Variants in NCOR2 observed in about 807,000 individuals in gnomAD.
The protein encoded by NCOR2 is CTG repeat protein 26.
NCOR2 carries 81 observed loss-of-function variants against 262.9 expected under a neutral mutation model. The observed-to-expected ratio is 0.31, with a 90% CI of 0.26 to 0.37. The LOEUF is 0.37. NCOR2 is among the 10% of genes least tolerant of loss of function. The probability of loss-of-function intolerance (pLI) is 1.00; values close to 1 mark genes in which losing one functional copy is unlikely to be tolerated. For synonymous variants in NCOR2, 1,659 were observed against 1,559.3 expected (o/e 1.06, Z -1.51); for missense variants, 3,385 against 3,621.4 (o/e 0.93, Z 1.68).
chr12:124,327,401 C>T lies in NCOR2; in HGVS notation c.7183+8G>A. ...CAGACGGGGGCGGGGCGGGGGTGGCCTGCAGACCTGGCGAGGTGAGTGTGT... is the reference window on the plus strand; with the variant it reads ...CAGACGGGGGCGGGGCGGGGGTGGCTTGCAGACCTGGCGAGGTGAGTGTGT... On this transcript the variant is annotated splice_region_variant and intron_variant, in intron 45 of 46. Coordinates refer to ENST00000405201, the Ensembl canonical transcript of NCOR2. 6.2e-7 allele frequency: 1 copy of T among 1,603,292 alleles called. No homozygotes were observed.
chr12:124,418,264 C>T (rs1455058630), intron 13 of NCOR2, among the ~76,000 whole-genome samples: 4 of 152,124 alleles, frequency 2.6e-5, no homozygotes, highest in Non-Finnish European at 5.9e-5. Flanking sequence ...GGATAAGGAC[C>T]GAGTTCAGCC....
chr12:124,352,482 C>T (rs1333837013), intron 27 of NCOR2, among the ~76,000 whole-genome samples: 1 of 151,994 alleles, frequency 6.6e-6, no homozygotes, highest in African/African-American at 2.4e-5. Context: ...AAGTGATCTT[C>T]CTGCCTCCCA....
At position 124,340,727 on chromosome 12, in the gene NCOR2, G is replaced by T; in HGVS notation, c.5213C>A (p.Pro1738Gln). Residue 1738 changes from proline (P) to glutamine (Q), a missense_variant, in exon 35 of 47, where the codon CCA (proline) becomes CAA (glutamine). Pro to Gln is a moderately conservative substitution (Grantham distance 76). Around this residue, in one of 5 missense-constraint regions of NCOR2, gnomAD observed 1,615 missense variants for 1,626.9 expected, o/e 0.99. Transcript: ENST00000405201. Reference sequence around the variant, plus strand: ...CGGGGGCACGAGCACAGGCAGGTGTGGCACTTGGGACAGGTCGATGATGCC... The same window carrying T: ...CGGGGGCACGAGCACAGGCAGGTGTTGCACTTGGGACAGGTCGATGATGCC... The T allele has an allele frequency of 6.5e-7, 1 of 1,545,852 alleles. No homozygotes were observed. The highest frequency in any genetic ancestry group is 1.4e-5 in the African/African-American group (1 of 72,008).
chr12:124,466,031 T>A, intron 5 of NCOR2, 142 bp downstream of exon 7: 1 of 824,366 alleles, frequency 1.2e-6, no homozygotes, highest in Non-Finnish European at 1.9e-6. Flanking sequence ...CACCCACTCA[T>A]AAACCCTGCG....
rs993160639 is a variant in NCOR2 at position 124,432,250 on chromosome 12, C to T, written c.883-1463G>A. On this transcript the variant is annotated intron_variant, in intron 8 of 46. Coordinates refer to ENST00000405201, the Ensembl canonical transcript of NCOR2. The surrounding 1 kb of genome is among the most constrained non-coding windows in gnomAD (Gnocchi z 5.1). The stretch of plus-strand genomic sequence containing the variant: ...GACACACACACATCACACAGGCAGA[C>T]GACAGAAAGACAGGCACATAGTTGC... Among the ~76,000 whole-genome samples, 5 of 152,140 alleles carry T rather than the reference C, an allele frequency of 3.3e-5. No individual in the cohort carries two copies. Among genetic ancestry groups the T allele is most frequent in the Non-Finnish European group, 5.9e-5 (4 of 68,026 alleles).
chr12:124,421,079 G>A (rs1023364288), intron 12 of NCOR2, among the ~76,000 whole-genome samples: 6 of 152,224 alleles, frequency 3.9e-5, no homozygotes, highest in Admixed American at 2.0e-4. Context: ...TCCTTCCTGC[G>A]CTCAGCAATG....
rs138325115 is a variant in NCOR2, at chr12:124,377,597, G to A, written c.2167+640C>T. 2.4e-4 allele frequency among the ~76,000 whole-genome samples: 37 copies of A among 152,224 alleles called. No individual in the cohort carries two copies. In the East Asian group the frequency reaches 6.0e-3, roughly 25 times the overall value. On this transcript the variant is annotated intron_variant, in intron 18 of 46. Transcript: ENST00000405201. ...CTCACACCTGTAATTCCAGCACTTT[G>A]GGAGGCCAAGGTGGGCAGATCACCT...
Position 124,483,935 on chromosome 12 carries a change from G to A in NCOR2, c.234-162C>T, listed in dbSNP as rs1393498573. Among the ~76,000 whole-genome samples the A allele has an allele frequency of 1.3e-5, 2 of 152,180 alleles. No homozygotes were observed. Among genetic ancestry groups the A allele is most frequent in the Non-Finnish European group, 2.9e-5 (2 of 68,022 alleles). ...GCCCACCTCCCACGGTCCCACAGCA[G>A]GGCAGGACTCCAATGCAGCGCTGCC... On this transcript the variant is annotated intron_variant, in intron 2 of 46. Coordinates refer to ENST00000405201, the Ensembl canonical transcript of NCOR2. This position sits in a 1 kb window ranked among gnomAD's most constrained non-coding sequence, Gnocchi z 6.3.
At chr12:124,487,996 C>A (rs918287444) in intron 1 of NCOR2, among the ~76,000 whole-genome samples, 2 of 151,994 alleles carry the variant, frequency 1.3e-5, no homozygotes, top group African/African-American at 4.8e-5. Context: ...AGGCTGTTTG[C>A]GGCAATCAGT....
chr12:124,419,768 C>T (rs148011015), intron 13 of NCOR2, among the ~76,000 whole-genome samples, 189 bp downstream of exon 15: 6 of 152,332 alleles, frequency 3.9e-5, no homozygotes, highest in African/African-American at 7.2e-5. Context: ...AGGGTGAGCA[C>T]CCCAGAGGGG....
At chr12:124,352,856 A>G (rs116104818) in intron 27 of NCOR2, among the ~76,000 whole-genome samples, 5,315 of 152,262 alleles carry the variant, frequency 0.035, 313 homozygotes, top group African/African-American at 0.12. Flanking sequence ...CTTGGCCCCA[A>G]TGAACTCTAC....
chr12:124,335,965 G>C (rs1593103091), intron 38 of NCOR2: 4 of 320,380 alleles, frequency 1.2e-5, no homozygotes, highest in Non-Finnish European at 2.3e-5. Flanking sequence ...ATGGGTCTCT[G>C]GGGAAGGAGT....
chr12:124,370,058 T>C (rs551025276), intron 20 of NCOR2, among the ~76,000 whole-genome samples: 7 of 152,334 alleles, frequency 4.6e-5, no homozygotes, highest in African/African-American at 1.7e-4. Context: ...TCTATGACTC[T>C]GTCCCCACAG....
At chr12:124,532,233 C>T (rs2050836839) in intron 1 of NCOR2, among the ~76,000 whole-genome samples, 1 of 152,074 alleles carries the variant, frequency 6.6e-6, no homozygotes, top group Admixed American at 6.5e-5. Flanking sequence ...CCCCCTTCTA[C>T]CATCACGGTT....
At chr12:124,429,821 G>A (rs367906254) in intron 9 of NCOR2, 115 bp from the exon 12 acceptor site, 37 of 994,322 alleles carry the variant, frequency 3.7e-5, no homozygotes, top group South Asian at 3.4e-4. Flanking sequence ...TGTGGGCAGC[G>A]GCCAGCAGAG....
At chr12:124,558,589 G>C (rs910502111) in intron 1 of NCOR2, among the ~76,000 whole-genome samples, 2 of 152,184 alleles carry the variant, frequency 1.3e-5, no homozygotes, top group Non-Finnish European at 2.9e-5. Context: ...CACTCCAGAA[G>C]GACGCCCAGA....
chr12:124,436,604 C>A (rs1380673657), intron 8 of NCOR2, among the ~76,000 whole-genome samples: 2 of 152,296 alleles, frequency 1.3e-5, no homozygotes, highest in East Asian at 3.9e-4. Context: ...GTCCCATGAG[C>A]CAAAACCAGG....
chr12:124,429,873 C>T lies in NCOR2; in HGVS notation c.1056-167G>A, dbSNP rs371666269. On this transcript the variant is annotated intron_variant, in intron 9 of 46. Transcript: ENST00000405201. ...CGGGGTCCTGGGGAGGCATGGAGCCCCCACCCCAACCCAGCAAGGCCAAAC... is the reference window on the plus strand; with the variant it reads ...CGGGGTCCTGGGGAGGCATGGAGCCTCCACCCCAACCCAGCAAGGCCAAAC... Among the ~76,000 whole-genome samples, 14 of 152,316 alleles carry T rather than the reference C, an allele frequency of 9.2e-5. No homozygotes were observed. The East Asian group carries it at 2.5e-3, about 27-fold the overall frequency.
At chr12:124,519,133 G>GC (rs1566020203) in intron 1 of NCOR2, among the ~76,000 whole-genome samples, 1 of 27,390 alleles carries the variant, frequency 3.7e-5, no homozygotes, top group African/African-American at 5.7e-5. Flanking sequence ...CACACACACA[G>GC]GCCAACAATG....
Sources: gnomAD v4.1 joint callset for allele counts (sites outside exome capture counted in the v4.1 genomes callset) on GRCh38, gnomAD v4.1.1 for gene constraint, gnomAD v4.1.1 regional missense constraint, Gnocchi (gnomAD v3.1) non-coding constraint, MANE v1.5 for transcripts, NCBI Gene and HGNC (gene_info 2026-07-23, HGNC 2026-07-21) for gene names.